The following NEDD9 variants were observed in gnomAD, a reference collection of about 807,000 sequenced individuals.
The protein encoded by NEDD9 is enhancer of filamentation 1.
A neutral mutation model predicts 76.6 loss-of-function variants in NEDD9; 26 were observed. The observed-to-expected ratio is 0.34, with a 90% CI of 0.25 to 0.47. NEDD9 has a LOEUF of 0.47. NEDD9 is among the 20% of genes least tolerant of loss of function. The probability of loss-of-function intolerance (pLI) is 1.00; values close to 1 mark genes in which losing one functional copy is unlikely to be tolerated. For missense variants in NEDD9, 937 were observed against 1,058.5 expected (o/e 0.89, Z 1.59); for synonymous variants, 392 against 414.2 (o/e 0.95, Z 0.65).
intron 1 of NEDD9, among the ~76,000 whole-genome samples, chr6:11,379,403 C>T (rs1763024248): frequency 6.6e-6 from 1 of 152,072 alleles, no homozygotes; most frequent in African/African-American, 2.4e-5. Context: ...GCTTGGCCAA[C>T]ATGGTGAAAC....
intron 3 of NEDD9, among the ~76,000 whole-genome samples, chr6:11,260,697 G>A (rs2113323537): frequency 6.6e-6 from 1 of 152,322 alleles, no homozygotes; most frequent in Admixed American, 6.5e-5. Flanking sequence ...TAAGTAACTT[G>A]AAGATCCTGG....
At chr6:11,271,513 C>G (rs1242730214) in intron 3 of NEDD9, 1 of 152,264 alleles carries the variant, frequency 6.6e-6, no homozygotes, top group South Asian at 2.1e-4. Flanking sequence ...GGGCAACTTT[C>G]CAGCAAGAGA....
At chr6:11,356,652 G>A (rs549051045) in intron 1 of NEDD9, among the ~76,000 whole-genome samples, 54 of 152,236 alleles carry the variant, frequency 3.5e-4, no homozygotes, top group Non-Finnish European at 6.6e-4. Context: ...GCCACCTTCA[G>A]TAGCATCATT....
intron 3 of NEDD9, among the ~76,000 whole-genome samples, chr6:11,280,546 C>T (rs1760514230): frequency 6.6e-6 from 1 of 152,258 alleles, no homozygotes; most frequent in South Asian, 2.1e-4. Flanking sequence ...TTCTCCCCTG[C>T]TCTGCACCCC....
intron 1 of NEDD9, among the ~76,000 whole-genome samples, chr6:11,347,230 A>C (rs886387151): frequency 6.6e-6 from 1 of 152,286 alleles, no homozygotes; most frequent in African/African-American, 2.4e-5. Flanking sequence ...AACTTTGGGC[A>C]AGTCACTTCT....
chr6:11,252,604 C>T lies in NEDD9; in HGVS notation c.13-38877G>A, dbSNP rs531483330. On this transcript the variant is annotated intron_variant, in intron 3 of 3. Coordinates refer to the NEDD9 transcript ENST00000397378. The surrounding 1 kb of genome is among the most constrained non-coding windows in gnomAD (Gnocchi z 4.3). The stretch of plus-strand genomic sequence containing the variant: ...CTGGTAGGAAATAGACATCTTAGGT[C>T]CATGTCACTTACACTATTTAGTTAT... Among the ~76,000 whole-genome samples, 20 of 152,302 alleles carry T rather than the reference C, an allele frequency of 1.3e-4. No homozygotes were observed. The South Asian group carries it at 4.1e-3, about 32-fold the overall frequency.
chr6:11,273,830 A>G (rs1189056223), intron 3 of NEDD9, among the ~76,000 whole-genome samples: 1 of 152,048 alleles, frequency 6.6e-6, no homozygotes, highest in Non-Finnish European at 1.5e-5. Context: ...GATTAAGGAA[A>G]ACGACTATGG....
chr6:11,256,259 C>T (rs1287934353), intron 3 of NEDD9, among the ~76,000 whole-genome samples: 2 of 152,194 alleles, frequency 1.3e-5, no homozygotes, highest in Non-Finnish European at 2.9e-5. Flanking sequence ...AGGCAGGGCC[C>T]CCATCTGGCT....
chr6:11,288,049 C>A (rs1201915536), intron 3 of NEDD9, among the ~76,000 whole-genome samples: 2 of 152,216 alleles, frequency 1.3e-5, no homozygotes, highest in South Asian at 2.1e-4. Context: ...CTCCACTCTG[C>A]AGACTGCTCC....
intron 1 of NEDD9, among the ~76,000 whole-genome samples, chr6:11,355,798 G>A (rs1180111529): frequency 6.6e-6 from 1 of 152,028 alleles, no homozygotes; most frequent in Non-Finnish European, 1.5e-5. Flanking sequence ...TCCGCTCACT[G>A]CAAGCTCCGC....
intron 1 of NEDD9, among the ~76,000 whole-genome samples, chr6:11,350,804 G>A (rs1280028981): frequency 6.6e-6 from 1 of 152,148 alleles, no homozygotes; most frequent in African/African-American, 2.4e-5. Flanking sequence ...TGGTCGGGAT[G>A]CCCTGATACA....
At chr6:11,191,793 G>A (rs1758151359) in intron 4 of NEDD9, among the ~76,000 whole-genome samples, 2 of 152,222 alleles carry the variant, frequency 1.3e-5, no homozygotes, top group South Asian at 4.2e-4. Flanking sequence ...GATCATTTAA[G>A]CCCATATGTT....
At chr6:11,316,861 A>G (rs1761580043) in intron 2 of NEDD9, among the ~76,000 whole-genome samples, 1 of 152,230 alleles carries the variant, frequency 6.6e-6, no homozygotes, top group African/African-American at 2.4e-5. Context: ...TGTCTCCTGG[A>G]TAAAACCTCT....
chr6:11,322,467 C>A (rs1401165574), intron 2 of NEDD9, among the ~76,000 whole-genome samples: 3 of 152,154 alleles, frequency 2.0e-5, no homozygotes, highest in Non-Finnish European at 4.4e-5. Flanking sequence ...GGTCAAGGGG[C>A]ATCTCGTGGG....
intron 3 of NEDD9, chr6:11,305,252 A>G (rs190278869): frequency 1.4e-6 from 1 of 704,284 alleles, no homozygotes; most frequent in Non-Finnish European, 2.1e-6. Context: ...GCATTTTCTC[A>G]TTTCATCCTC....
At chr6:11,188,562 T>C (rs1297469502) in intron 5 of NEDD9, among the ~76,000 whole-genome samples, 9 of 75,582 alleles carry the variant, frequency 1.2e-4, no homozygotes, top group Non-Finnish European at 2.0e-4. Context: ...AAATCTCATA[T>C]ATAATGTTCT....
chr6:11,377,366 T>C (rs549319595), intron 1 of NEDD9, among the ~76,000 whole-genome samples: 1 of 152,268 alleles, frequency 6.6e-6, no homozygotes, highest in South Asian at 2.1e-4. Context: ...GGCTGCATCC[T>C]GCAAAGCCAC....
At chr6:11,262,967 A>T (rs551087025) in intron 3 of NEDD9, among the ~76,000 whole-genome samples, 15 of 152,322 alleles carry the variant, frequency 9.8e-5, no homozygotes, top group African/African-American at 3.6e-4. Context: ...TTTTTTTCCC[A>T]TTTCCTGATG....
chr6:11,305,057 T>C (rs560325572), intron 3 of NEDD9: 2 of 1,270,478 alleles, frequency 1.6e-6, no homozygotes, highest in African/African-American at 1.5e-5. Context: ...CATTTCTTAT[T>C]ATATTTACCT....
Sources: gnomAD v4.1 joint callset for allele counts (sites outside exome capture counted in the v4.1 genomes callset) on GRCh38, gnomAD v4.1.1 for gene constraint, Gnocchi (gnomAD v3.1) non-coding constraint, MANE v1.5 for transcripts, NCBI Gene and HGNC (gene_info 2026-07-23, HGNC 2026-07-21) for gene names.